BICD1: variants seen among roughly 807,000 people sequenced by gnomAD.
BICD1 encodes BICD cargo adaptor 1, also known as protein bicaudal D homolog 1.
A neutral mutation model predicts 92.5 loss-of-function variants in BICD1; 35 were observed. The observed-to-expected ratio is 0.38, with a 90% CI of 0.29 to 0.50. The LOEUF (loss-of-function observed/expected upper bound fraction) is 0.50, where lower values mean the gene tolerates loss of function less well. BICD1 is among the 20% of genes least tolerant of loss of function. The pLI is 0.93. For missense variants in BICD1, 950 were observed against 1,189.8 expected, an observed-to-expected ratio of 0.80 and a Z score of 2.97; for synonymous variants, 429 against 465.1, an observed-to-expected ratio of 0.92 and a Z score of 1.00.
chr12:32,216,518 C>G, intron 2 of BICD1, 59 bp downstream of exon 2: 1 of 1,535,190 alleles, frequency 6.5e-7, no homozygotes, highest in Non-Finnish European at 8.9e-7. Context: ...AAAGTTCTCT[C>G]CATAGCAGAG....
At position 32,377,894 on chromosome 12, in the gene BICD1, A is replaced by G; in HGVS notation, c.*267A>G. Reference sequence around the variant, plus strand: ...TTTAAATTTAAAAAAAAGAAAAAAGAAACAGAAAACGTGTCTCAGATGGCT... The same window carrying G: ...TTTAAATTTAAAAAAAAGAAAAAAGGAACAGAAAACGTGTCTCAGATGGCT... On this transcript the variant is annotated 3_prime_UTR_variant, in exon 10 of 10. Transcript: ENST00000652176. 1 of 348,324 alleles carries G rather than the reference A, an allele frequency of 2.9e-6. No individual in the cohort carries two copies. 21.6% of individuals were successfully genotyped at this position (348,324 alleles called of 1,614,324 possible).
At chr12:32,334,294 G>T (rs971369923) in intron 5 of BICD1, among the ~76,000 whole-genome samples, 2 of 151,964 alleles carry the variant, frequency 1.3e-5, no homozygotes, top group Non-Finnish European at 1.5e-5. Flanking sequence ...GGCTCGCAGC[G>T]GGCTTCTAGG....
chr12:32,116,440 CTG>C (rs1255598776), intron 1 of BICD1, among the ~76,000 whole-genome samples: 1 of 127,782 alleles, frequency 7.8e-6, no homozygotes, highest in Non-Finnish European at 1.7e-5. Context: ...GTCTCTGTCT[CTG>C]TCTGTCTGTC....
intron 9 of BICD1, among the ~76,000 whole-genome samples, chr12:32,372,839 T>C (rs1939789714): frequency 6.6e-6 from 1 of 152,208 alleles, no homozygotes; most frequent in Non-Finnish European, 1.5e-5. Flanking sequence ...ATTGTGCCAC[T>C]GCGCTCCGGC....
At chr12:32,141,938 T>C (rs761604373) in intron 1 of BICD1, among the ~76,000 whole-genome samples, 42 of 152,220 alleles carry the variant, frequency 2.8e-4, no homozygotes, top group Non-Finnish European at 5.7e-4. Flanking sequence ...CGAACAAATG[T>C]TCATCGAATG....
intron 4 of BICD1, 78 bp downstream of exon 4, chr12:32,306,200 G>A (rs1234099827): frequency 3.9e-6 from 5 of 1,292,670 alleles, no homozygotes; most frequent in African/African-American, 1.5e-5. Context: ...TCTGATTCTC[G>A]CATTTCACTT....
chr12:32,107,038 C>T lies in BICD1; in HGVS notation c.-294C>T. Reference sequence around the variant, plus strand: ...GCGGCCGCCGCAGCCCGGGCCATGCCGCACGGCTGCTGACCGCACGCAGGG... The same window carrying T: ...GCGGCCGCCGCAGCCCGGGCCATGCTGCACGGCTGCTGACCGCACGCAGGG... On this transcript the variant is annotated 5_prime_UTR_variant, in exon 1 of 10. Coordinates refer to ENST00000652176, the MANE Select transcript of BICD1 (RefSeq NM_001714.4). 5.4e-6 allele frequency: 2 copies of T among 372,050 alleles called. No homozygotes were observed. Among genetic ancestry groups the T allele is most frequent in the South Asian group, 6.8e-5 (2 of 29,480 alleles). The allele number at this position is 372,050 out of a possible 1,614,324, so 23.0% of individuals were successfully genotyped here.
intron 9 of BICD1, among the ~76,000 whole-genome samples, chr12:32,374,019 G>T (rs1409098923): frequency 6.6e-6 from 1 of 151,682 alleles, no homozygotes; most frequent in Non-Finnish European, 1.5e-5. Flanking sequence ...TTCGAGACCA[G>T]CCTGGGCAAC....
chr12:32,252,075 T>TAAATATC lies in BICD1; in HGVS notation c.426+35617_426+35618insAATATCA, dbSNP rs1396667393. Among the ~76,000 whole-genome samples the TAAATATC allele has an allele frequency of 3.3e-4, 12 of 36,262 alleles. 2 individuals are homozygous for TAAATATC. In the East Asian group the frequency reaches 4.4e-3, roughly 13 times the overall value. 23.8% of individuals were successfully genotyped at this position (36,262 alleles called of 152,430 possible). ...AATATTATATATTATATATTTATAA[T>TAAATATC]ATATATTTATAAATATATATTTATA... On this transcript the variant is annotated intron_variant, in intron 2 of 9. Transcript: ENST00000652176.
rs1378224355 is a variant in BICD1 at position 32,117,837 on chromosome 12, A to G, written c.213+10293A>G. On this transcript the variant is annotated intron_variant, in intron 1 of 9. Coordinates refer to ENST00000652176, the MANE Select transcript of BICD1 (RefSeq NM_001714.4). ...ATGATCTCAGCTCACCGCAACCTCC[A>G]CCTCCCAGTTTCAAGCAATTCTCCT... Among the ~76,000 whole-genome samples the G allele has an allele frequency of 2.7e-5, 4 of 146,334 alleles. No individual in the cohort carries two copies. In the Admixed American group the frequency reaches 2.8e-4, roughly 10 times the overall value.
intron 1 of BICD1, among the ~76,000 whole-genome samples, chr12:32,214,568 A>T (rs1945300282): frequency 6.6e-6 from 1 of 152,152 alleles, no homozygotes; most frequent in Admixed American, 6.5e-5. Flanking sequence ...GAAACCTGGC[A>T]TTCATTATCT....
At chr12:32,356,165 A>C (rs761669213) in intron 8 of BICD1, among the ~76,000 whole-genome samples, 1 of 152,138 alleles carries the variant, frequency 6.6e-6, no homozygotes, top group Non-Finnish European at 1.5e-5. Flanking sequence ...TGAACCCTGC[A>C]AGATTGGTAT....
chr12:32,357,958 G>A (rs892246493), intron 8 of BICD1, among the ~76,000 whole-genome samples: 4 of 152,106 alleles, frequency 2.6e-5, no homozygotes, highest in Non-Finnish European at 5.9e-5. Context: ...CTGAAAGGGC[G>A]TGGGTGGACA....
chr12:32,116,265 A>G (rs1464316807), intron 1 of BICD1, among the ~76,000 whole-genome samples: 3 of 152,000 alleles, frequency 2.0e-5, no homozygotes, highest in East Asian at 1.9e-4. Flanking sequence ...AATTCATTCA[A>G]TATTTTTCCA....
At chr12:32,282,909 G>C (rs999969620) in intron 2 of BICD1, among the ~76,000 whole-genome samples, 1 of 152,080 alleles carries the variant, frequency 6.6e-6, no homozygotes, top group African/African-American at 2.4e-5. Flanking sequence ...TGGGAGGATT[G>C]AGGAGGAATG....
At chr12:32,344,159 G>A (rs1334899950) in intron 8 of BICD1, among the ~76,000 whole-genome samples, 1 of 152,178 alleles carries the variant, frequency 6.6e-6, no homozygotes, top group Non-Finnish European at 1.5e-5. Flanking sequence ...AAGGAATTAG[G>A]ATGGTTAGGA....
chr12:32,296,424 A>AT (rs1308807722), intron 3 of BICD1, among the ~76,000 whole-genome samples: 3 of 151,478 alleles, frequency 2.0e-5, no homozygotes, highest in Non-Finnish European at 2.9e-5. Flanking sequence ...CGCCTGGCTA[A>AT]TTTTTTATAT....
At chr12:32,321,080 C>T (rs1378708448) in intron 4 of BICD1, among the ~76,000 whole-genome samples, 3 of 152,142 alleles carry the variant, frequency 2.0e-5, no homozygotes, top group Non-Finnish European at 4.4e-5. Context: ...AATCCCAGCA[C>T]TTTGGGAGGC....
chr12:32,126,469 G>C (rs562254884), intron 1 of BICD1, among the ~76,000 whole-genome samples: 1 of 151,646 alleles, frequency 6.6e-6, no homozygotes, highest in Non-Finnish European at 1.5e-5. Flanking sequence ...AAAAAAAAAA[G>C]TTGCTGGCCG....
Sources: allele counts gnomAD v4.1 joint callset (sites outside exome capture counted in the v4.1 genomes callset), GRCh38; gene constraint gnomAD v4.1.1; transcripts MANE v1.5; gene names NCBI Gene and HGNC (gene_info 2026-07-23, HGNC 2026-07-21).